The following IL1RAPL1 variants were observed in gnomAD, a reference collection of about 807,000 sequenced individuals.
The protein encoded by IL1RAPL1 is interleukin 1 receptor accessory protein like 1.
Under a neutral mutation model 48.4 loss-of-function variants are expected in IL1RAPL1, and 3 were observed. The observed-to-expected ratio is 0.06, with a 90% CI of 0.03 to 0.16. The LOEUF is 0.16. Ranked by LOEUF, IL1RAPL1 falls within the 10% of genes least tolerant of loss-of-function variation. IL1RAPL1 has a pLI of 1.00. For synonymous variants in IL1RAPL1, 185 were observed against 187.7 expected, an observed-to-expected ratio of 0.99 and a Z score of 0.12; for missense variants, 349 against 530.6, an observed-to-expected ratio of 0.66 and a Z score of 3.36.
At chrX:28,763,767 A>G (rs1426317145) in intron 1 of IL1RAPL1, among the ~76,000 whole-genome samples, 1 of 110,604 alleles carries the variant, frequency 9.0e-6, no homozygotes, top group Non-Finnish European at 1.9e-5. Context: ...TTCTAGTGGT[A>G]AGAGTTAGAT....
At chrX:29,517,477 G>A (rs1342934392) in intron 5 of IL1RAPL1, among the ~76,000 whole-genome samples, 1 of 111,122 alleles carries the variant, frequency 9.0e-6, no homozygotes, top group Non-Finnish European at 1.9e-5. Context: ...CTTCACTGAA[G>A]CGGTGATGAT....
chrX:29,906,334 CA>C (rs1401147110), intron 6 of IL1RAPL1, among the ~76,000 whole-genome samples: 3 of 67,565 alleles, frequency 4.4e-5, no homozygotes, highest in African/African-American at 9.7e-5. Context: ...GACTCTGTCT[CA>C]AAAAAACAAA....
intron 5 of IL1RAPL1, among the ~76,000 whole-genome samples, chrX:29,440,707 T>C (rs1459002835): frequency 8.9e-6 from 1 of 112,268 alleles, no homozygotes; most frequent in Admixed American, 9.4e-5. Context: ...GCCTTTCCAA[T>C]ATTTGTCAAA....
intron 2 of IL1RAPL1, among the ~76,000 whole-genome samples, chrX:28,812,937 C>G: frequency 9.0e-6 from 1 of 110,921 alleles, no homozygotes; most frequent in East Asian, 2.9e-4. Flanking sequence ...TATTAACATA[C>G]TTGTTTAATG....
intron 1 of IL1RAPL1, among the ~76,000 whole-genome samples, chrX:28,713,935 G>A (rs745962553): frequency 1.0e-3 from 115 of 111,977 alleles, no homozygotes; most frequent in African/African-American, 3.7e-3. Flanking sequence ...AACATACACA[G>A]CAGGAACTGC....
chrX:28,687,508 C>A (rs1017638535), intron 1 of IL1RAPL1, among the ~76,000 whole-genome samples: 1 of 112,159 alleles, frequency 8.9e-6, no homozygotes, highest in Non-Finnish European at 1.9e-5. Flanking sequence ...TGGGGCCGGG[C>A]GCGGTGGCTC....
intron 1 of IL1RAPL1, among the ~76,000 whole-genome samples, chrX:28,724,454 C>T (rs1935637116): frequency 9.0e-6 from 1 of 110,601 alleles, no homozygotes; most frequent in Non-Finnish European, 1.9e-5. Flanking sequence ...CTTGGTAGAT[C>T]TTCCTCCATC....
chrX:29,189,635 G>C (rs890396884), intron 2 of IL1RAPL1, among the ~76,000 whole-genome samples: 1 of 111,321 alleles, frequency 9.0e-6, no homozygotes, highest in Non-Finnish European at 1.9e-5. Context: ...AGAACAAGAA[G>C]AAGAGGGAAA....
chrX:29,261,194 G>C (rs1478576070), intron 2 of IL1RAPL1, among the ~76,000 whole-genome samples: 3 of 109,911 alleles, frequency 2.7e-5, no homozygotes, highest in African/African-American at 6.6e-5. Flanking sequence ...TGATTTTAAT[G>C]GCTGCAACAC....
At chrX:29,180,928 T>C (rs927204961) in intron 2 of IL1RAPL1, among the ~76,000 whole-genome samples, 1 of 112,211 alleles carries the variant, frequency 8.9e-6, no homozygotes, top group African/African-American at 3.2e-5. Flanking sequence ...AAATTGTTTC[T>C]GTGAAACAAA....
chrX:28,852,366 G>A (rs1199272545), intron 2 of IL1RAPL1, among the ~76,000 whole-genome samples: 2 of 107,449 alleles, frequency 1.9e-5, no homozygotes, highest in African/African-American at 6.9e-5. Context: ...AATGTTAGAT[G>A]TTGATATTTG....
intron 3 of IL1RAPL1, among the ~76,000 whole-genome samples, chrX:29,319,544 ATGTATGTATGTATGTATC>A (rs1932788751): frequency 8.2e-5 from 7 of 85,419 alleles, no homozygotes; most frequent in African/African-American, 2.7e-4. Context: ...GTATGTATGT[ATGTATGTATGTATGTATC>A]TATCTATCTA....
chrX:29,695,504 T>G (rs1926883547), intron 6 of IL1RAPL1, among the ~76,000 whole-genome samples: 2 of 110,326 alleles, frequency 1.8e-5, no homozygotes, highest in African/African-American at 6.6e-5. Flanking sequence ...GCTAGATGTC[T>G]GAGATCAAGA....
In IL1RAPL1 at chrX:29,022,307, C is replaced by T. The variant is rs374656419; in HGVS notation, c.82+232882C>T. 7.2e-5 allele frequency among the ~76,000 whole-genome samples: 8 copies of T among 111,801 alleles called. No individual in the cohort carries two copies. The South Asian group carries it at 1.5e-3, about 21-fold the overall frequency. On this transcript the variant is annotated intron_variant, in intron 2 of 10. Coordinates refer to ENST00000378993, the MANE Select transcript of IL1RAPL1 (RefSeq NM_014271.4). ...TTTCTTCTCTGGTAGGCCTTACCTA[C>T]TCTCTCCCACTTTTGCCTGGATACA...
chrX:28,921,729 G>C (rs1199411877), intron 2 of IL1RAPL1, among the ~76,000 whole-genome samples: 1 of 112,147 alleles, frequency 8.9e-6, no homozygotes, highest in Non-Finnish European at 1.9e-5. Context: ...TTCACACTGT[G>C]GGTTTAATTC....
At chrX:29,251,674 A>G (rs1402227154) in intron 2 of IL1RAPL1, among the ~76,000 whole-genome samples, 1 of 111,111 alleles carries the variant, frequency 9.0e-6, no homozygotes, top group African/African-American at 3.3e-5. Flanking sequence ...AGGACACAGA[A>G]AGTTGCAAAA....
At chrX:29,311,657 G>C (rs960515686) in intron 3 of IL1RAPL1, among the ~76,000 whole-genome samples, 3 of 111,480 alleles carry the variant, frequency 2.7e-5, no homozygotes, top group Middle Eastern at 9.3e-3. Context: ...TAGTGGCTAC[G>C]GTACTGGACA....
At position 29,058,036 on chromosome X, in the gene IL1RAPL1, A is replaced by G. The variant is rs140526174; in HGVS notation, c.83-224902A>G. Among the ~76,000 whole-genome samples the G allele has an allele frequency of 6.4e-3, 710 of 111,631 alleles. 8 individuals are homozygous for G. Among genetic ancestry groups the G allele is most frequent in the African/African-American group, 0.022 (675 of 30,671 alleles). On this transcript the variant is annotated intron_variant, in intron 2 of 10. Transcript: ENST00000378993. ...TATTATTACCTTCCTTTATGTGGCTACTAAGTATTTCTGTCCATGAAAAAT... is the reference window on the plus strand; with the variant it reads ...TATTATTACCTTCCTTTATGTGGCTGCTAAGTATTTCTGTCCATGAAAAAT...
intron 6 of IL1RAPL1, among the ~76,000 whole-genome samples, chrX:29,731,402 C>T (rs1218667084): frequency 8.9e-6 from 1 of 111,811 alleles, no homozygotes; most frequent in Non-Finnish European, 1.9e-5. Flanking sequence ...AGAATCTATG[C>T]CAGAATCCCA....
Sources: gnomAD v4.1 joint callset for allele counts (sites outside exome capture counted in the v4.1 genomes callset) on GRCh38, gnomAD v4.1.1 for gene constraint, MANE v1.5 for transcripts, NCBI Gene and HGNC (gene_info 2026-07-23, HGNC 2026-07-21) for gene names.